The following MSL1 variants were observed in gnomAD, a reference collection of about 807,000 sequenced individuals.
MSL1 encodes MSL complex subunit 1.
In MSL1, 21 loss-of-function variants were observed where a neutral mutation model predicts 64.6. The ratio of observed to expected loss-of-function variants is 0.33; its 90% CI spans 0.23 to 0.47. The LOEUF (loss-of-function observed/expected upper bound fraction) is 0.47, where lower values mean the gene tolerates loss of function less well. Ranked by LOEUF, MSL1 falls within the 20% of genes least tolerant of loss-of-function variation. The pLI is 1.00. For missense variants in MSL1, 664 were observed against 793.2 expected (o/e 0.84, Z 1.96); for synonymous variants, 339 against 329.6 (o/e 1.03, Z -0.31).
At chr17:40,132,736 C>G (rs1415037515) in intron 5 of MSL1, among the ~76,000 whole-genome samples, 1 of 152,152 alleles carries the variant, frequency 6.6e-6, no homozygotes, top group Non-Finnish European at 1.5e-5. Context: ...CAGACTCTTA[C>G]AAAGTATGGA....
rs539980187 is a variant in MSL1 at position 40,122,534 on chromosome 17, C to A, written c.-79C>A. 19 of 947,832 alleles carry A rather than the reference C, an allele frequency of 2.0e-5. No individual in the cohort carries two copies. In the Admixed American group the frequency reaches 6.7e-4, roughly 33 times the overall value. The allele number at this position is 947,832 out of a possible 1,614,324, so 58.7% of individuals were successfully genotyped here. ...AGCCCGCCAAACTCCCCTCCCCCCC[C>A]TCAGTCCTCGACCCCCCGCACCTCG... On this transcript the variant is annotated 5_prime_UTR_variant, in exon 1 of 9. Transcript: ENST00000398532. This position sits in a 1 kb window ranked among gnomAD's most constrained non-coding sequence, Gnocchi z 4.2.
At position 40,123,054 on chromosome 17, in the gene MSL1, G is replaced by A. The variant is rs1374676995; in HGVS notation, c.442G>A (p.Glu148Lys). ...QTGSLVAAAK[E>K]PTPWAGDKGG... ...GGGCTCTCTCGTGGCGGCGGCCAAA[G>A]AGCCTACGCCCTGGGCTGGGGACAA... The change falls in exon 1 of 9, where the codon GAG (glutamate) becomes AAG (lysine). Residue 148 changes from glutamate to lysine, a missense_variant. Coordinates refer to ENST00000398532, the MANE Select transcript of MSL1 (RefSeq NM_001365919.1). 8 of 1,531,962 alleles carry A rather than the reference G, an allele frequency of 5.2e-6. No homozygotes were observed. Among genetic ancestry groups the A allele is most frequent in the Non-Finnish European group, 7.0e-6 (8 of 1,145,394 alleles). The allele number at this position is 1,531,962 out of a possible 1,614,324, so 94.9% of individuals were successfully genotyped here.
rs754375402 is a variant in MSL1 at position 40,131,519 on chromosome 17, C to T, written c.1376-18C>T. ...TTCTTTTTACACTGAGATTATTCTTCTTTCCTGCATTATTTAGGGTGTCTG... is the reference window on the plus strand; with the variant it reads ...TTCTTTTTACACTGAGATTATTCTTTTTTCCTGCATTATTTAGGGTGTCTG... On this transcript the variant is annotated intron_variant, in intron 3 of 8. Transcript: ENST00000398532. This position sits in a 1 kb window ranked among gnomAD's most constrained non-coding sequence, Gnocchi z 4.5. The T allele has an allele frequency of 5.8e-5, 94 of 1,612,124 alleles. No homozygotes were observed. Among genetic ancestry groups the T allele is most frequent in the Non-Finnish European group, 7.8e-5 (92 of 1,178,484 alleles).
chr17:40,130,559 C>T (rs760609642), intron 3 of MSL1, among the ~76,000 whole-genome samples: 8 of 152,202 alleles, frequency 5.3e-5, no homozygotes, highest in South Asian at 2.1e-4. Flanking sequence ...ACCACTGTGT[C>T]TTGCCTAGCA....
intron 2 of MSL1, among the ~76,000 whole-genome samples, chr17:40,128,488 C>T (rs1010548802): frequency 2.7e-5 from 4 of 150,646 alleles, no homozygotes; most frequent in African/African-American, 9.8e-5. Context: ...GATTCTCCTG[C>T]CTCAGCCTCT....
At position 40,134,423 on chromosome 17, in the gene MSL1, G is replaced by A. The variant is rs1187762890; in HGVS notation, c.*54G>A. 7.0e-6 allele frequency: 10 copies of A among 1,427,498 alleles called. No homozygotes were observed. The highest frequency in any genetic ancestry group is 2.0e-5 in the Admixed American group (1 of 50,832). The allele number at this position is 1,427,498 out of a possible 1,614,324, so 88.4% of individuals were successfully genotyped here. On this transcript the variant is annotated 3_prime_UTR_variant, in exon 9 of 9. Coordinates refer to ENST00000398532, the MANE Select transcript of MSL1 (RefSeq NM_001365919.1). ...TAGTTGTAGCATGCCATTCCCGAGA[G>A]TGGCAGAGACCTGTATATGTGACCT...
chr17:40,123,694 A>C (rs1435434698), intron 1 of MSL1, among the ~76,000 whole-genome samples: 1 of 152,082 alleles, frequency 6.6e-6, no homozygotes, highest in African/African-American at 2.4e-5. Context: ...GAGGGGTTAA[A>C]AATGAAAGGG....
At chr17:40,129,174 C>T in intron 2 of MSL1, 71 bp from the exon 3 acceptor site, 1 of 1,300,884 alleles carries the variant, frequency 7.7e-7, no homozygotes, top group Non-Finnish European at 1.1e-6. Flanking sequence ...TCTTTTGCTC[C>T]AGAATGTGTT....
At chr17:40,128,133 T>C (rs77167910) in intron 2 of MSL1, among the ~76,000 whole-genome samples, 2 of 151,646 alleles carry the variant, frequency 1.3e-5, no homozygotes, top group South Asian at 4.2e-4. Flanking sequence ...GTATTAAAAT[T>C]TAGGTTGGTA....
chr17:40,131,298 C>T lies in MSL1; in HGVS notation c.1376-239C>T. The T allele has an allele frequency of 2.3e-6, 1 of 427,508 alleles. No individual in the cohort carries two copies. Among genetic ancestry groups the T allele is most frequent in the Non-Finnish European group, 4.3e-6 (1 of 234,898 alleles). The allele number at this position is 427,508 out of a possible 1,614,324, so 26.5% of individuals were successfully genotyped here. On this transcript the variant is annotated intron_variant, in intron 3 of 8. Coordinates refer to ENST00000398532, the MANE Select transcript of MSL1 (RefSeq NM_001365919.1). The surrounding 1 kb of genome is among the most constrained non-coding windows in gnomAD (Gnocchi z 4.5). ...CCATCAACTGTTGCAGGGAAACCAC[C>T]CTAAATAATGAAGAAAAGAAGTCGT... is the stretch of plus-strand genomic sequence containing the variant.
rs376643068 is a variant in MSL1 at position 40,122,533 on chromosome 17, C to T, written c.-80C>T. ...GAGCCCGCCAAACTCCCCTCCCCCC[C>T]CTCAGTCCTCGACCCCCCGCACCTC... On this transcript the variant is annotated 5_prime_UTR_variant, in exon 1 of 9. Transcript: ENST00000398532. The surrounding 1 kb of genome is among the most constrained non-coding windows in gnomAD (Gnocchi z 4.2). The T allele has an allele frequency of 1.5e-3, 1,430 of 932,922 alleles. 18 individuals are homozygous for T. The African/African-American group carries it at 0.02, about 13-fold the overall frequency. The allele number at this position is 932,922 out of a possible 1,614,324, so 57.8% of individuals were successfully genotyped here.
In MSL1 at chr17:40,123,127, C is replaced by A; in HGVS notation, c.515C>A (p.Pro172His). ...PAATASDPAG[P>H]PPLPLPGPPP... ...GCCACCGCCTCGGACCCGGCGGGAC[C>A]CCCACCACTACCTCTGCCCGGGCCG... Residue 172 changes from proline (P) to histidine (H), a missense_variant, in exon 1 of 9, where the codon CCC becomes CAC. This residue lies in a region of MSL1 where 466 missense variants were observed against 499.0 expected (regional missense o/e 0.93). Coordinates refer to ENST00000398532, the MANE Select transcript of MSL1 (RefSeq NM_001365919.1). 6.5e-7 allele frequency: 1 copy of A among 1,532,318 alleles called. No homozygotes were observed. The highest frequency in any genetic ancestry group is 2.5e-5 in the East Asian group (1 of 40,750). The allele number at this position is 1,532,318 out of a possible 1,614,324, so 94.9% of individuals were successfully genotyped here. A position where few individuals can be genotyped will look rare whatever the true frequency, so the allele number is the denominator to read the frequency against.
At chr17:40,125,798 C>T (rs889652994) in intron 1 of MSL1, among the ~76,000 whole-genome samples, 3 of 152,118 alleles carry the variant, frequency 2.0e-5, no homozygotes, top group Non-Finnish European at 2.9e-5. Flanking sequence ...AAAACAAAAA[C>T]AAACAAACAA....
At chr17:40,125,052 C>T (rs80313356) in intron 1 of MSL1, among the ~76,000 whole-genome samples, 2,316 of 152,236 alleles carry the variant, frequency 0.015, 79 homozygotes, top group African/African-American at 0.053. Context: ...ATGAAGGCAG[C>T]GTTAAACATC....
chr17:40,129,580 C>G lies in MSL1; in HGVS notation c.1328C>G (p.Pro443Arg). Residue 443 changes from proline to arginine, a missense_variant, in exon 3 of 9, where the codon CCG becomes CGG. Physicochemically the swap from Pro to Arg is moderately radical, Grantham distance 103. Around this residue, in one of 4 missense-constraint regions of MSL1, gnomAD observed 119 missense variants for 164.3 expected, o/e 0.72. Coordinates refer to ENST00000398532, the MANE Select transcript of MSL1 (RefSeq NM_001365919.1). ...CGTTGGCACCAGCCTCCCCCATCAC[C>G]GTTACCATTACGGGAATCCTCTCCA... ...LCRWHQPPPS[P>R]LPLRESSPKK... The G allele has an allele frequency of 6.2e-7, 1 of 1,612,840 alleles. No homozygotes were observed. The highest frequency in any genetic ancestry group is 8.5e-7 in the Non-Finnish European group (1 of 1,179,492).
Position 40,134,352 on chromosome 17 carries a change from C to A in MSL1, c.1828C>A (p.Arg610=), listed in dbSNP as rs1014339419. The A allele has an allele frequency of 6.4e-7, 1 of 1,555,228 alleles. No individual in the cohort carries two copies. Among genetic ancestry groups the A allele is most frequent in the Non-Finnish European group, 8.7e-7 (1 of 1,148,878 alleles). The change falls in exon 9 of 9, where the codon CGG becomes AGG. Residue 610 remains arginine (R), a synonymous_variant. Coordinates refer to ENST00000398532, the MANE Select transcript of MSL1 (RefSeq NM_001365919.1). ...LEIQKKQTPH[R]TCRK ...GATCCAGAAGAAGCAAACACCTCAC[C>A]GGACGTGTAGGAAATAGCTGTGCTG...
At chr17:40,134,217 A>C (rs920604070) in intron 8 of MSL1, 62 bp from the exon 9 acceptor site, 1 of 1,422,610 alleles carries the variant, frequency 7.0e-7, no homozygotes, top group African/African-American at 1.4e-5. Flanking sequence ...TGTAGTTGCT[A>C]TCATGTCCAC....
chr17:40,131,424 A>G lies in MSL1; in HGVS notation c.1376-113A>G. The G allele has an allele frequency of 1.1e-6, 1 of 950,490 alleles. No homozygotes were observed. Among genetic ancestry groups the G allele is most frequent in the South Asian group, 1.5e-5 (1 of 66,590 alleles). The allele number at this position is 950,490 out of a possible 1,614,324, so 58.9% of individuals were successfully genotyped here. On this transcript the variant is annotated intron_variant, in intron 3 of 8. Coordinates refer to ENST00000398532, the MANE Select transcript of MSL1 (RefSeq NM_001365919.1). The surrounding 1 kb of genome is among the most constrained non-coding windows in gnomAD (Gnocchi z 4.5). The stretch of plus-strand genomic sequence containing the variant: ...GAGAAATTCTCAAAAGAACAACTCA[A>G]AAAACAAAATGGCTTCCTAGTGAGA...
At chr17:40,132,905 T>C (rs1276426759) in intron 5 of MSL1, 137 bp from the exon 6 acceptor site, 7 of 695,116 alleles carry the variant, frequency 1.0e-5, no homozygotes, top group South Asian at 3.5e-5. Flanking sequence ...GTTCCCATAC[T>C]GTCCATGGAA....
Sources: allele counts gnomAD v4.1 joint callset (sites outside exome capture counted in the v4.1 genomes callset), GRCh38; gene constraint gnomAD v4.1.1; regional missense constraint gnomAD v4.1.1; non-coding constraint Gnocchi (gnomAD v3.1); transcripts MANE v1.5; gene names NCBI Gene and HGNC (gene_info 2026-07-23, HGNC 2026-07-21).